Variants in EMSY observed in about 807,000 individuals in gnomAD.
The protein encoded by EMSY is EMSY transcriptional repressor, BRCA2 interacting, also known as BRCA2-interacting transcriptional repressor EMSY.
In EMSY, 26 loss-of-function variants were observed where a neutral mutation model predicts 134.6. The observed-to-expected ratio is 0.19, with a 90% confidence interval of 0.14 to 0.27. The LOEUF (loss-of-function observed/expected upper bound fraction) is 0.27. Among genes scored for constraint, EMSY ranks in the 10% least tolerant of loss-of-function variants. The pLI is 1.00. For missense variants in EMSY, 1,305 were observed against 1,611.4 expected (o/e 0.81, Z 3.26); for synonymous variants, 579 against 577.8 (o/e 1.00, Z -0.03).
At chr11:76,486,550 T>G (rs1949191201) in intron 8 of EMSY, among the ~76,000 whole-genome samples, 1 of 152,154 alleles carries the variant, frequency 6.6e-6, no homozygotes, top group Admixed American at 6.5e-5. Flanking sequence ...TGTGCATGTC[T>G]GGCACAACCT....
At chr11:76,530,844 T>C (rs990623381) in intron 14 of EMSY, among the ~76,000 whole-genome samples, 4 of 152,238 alleles carry the variant, frequency 2.6e-5, no homozygotes, top group African/African-American at 9.6e-5. Flanking sequence ...ATATTCCTAC[T>C]TATTAAGAAT....
At chr11:76,534,863 A>G (rs1484633852) in intron 14 of EMSY, among the ~76,000 whole-genome samples, 1 of 152,128 alleles carries the variant, frequency 6.6e-6, no homozygotes, top group Non-Finnish European at 1.5e-5. Context: ...GTCCTCCACA[A>G]TTTCCTCTAT....
At chr11:76,526,743 ATTG>A in intron 13 of EMSY, 108 bp downstream of exon 14, 1 of 1,120,126 alleles carries the variant, frequency 8.9e-7, no homozygotes, top group Non-Finnish European at 1.3e-6. Flanking sequence ...AAGAAATCAG[ATTG>A]TTAAAAGTTA....
At chr11:76,514,633 T>C (rs1387399470) in intron 10 of EMSY, among the ~76,000 whole-genome samples, 1 of 152,190 alleles carries the variant, frequency 6.6e-6, no homozygotes, top group African/African-American at 2.4e-5. Flanking sequence ...TTCAAATATA[T>C]AGTTCATTGG....
intron 12 of EMSY, among the ~76,000 whole-genome samples, chr11:76,525,455 T>A (rs980524755): frequency 2.0e-5 from 3 of 152,206 alleles, no homozygotes; most frequent in African/African-American, 7.2e-5. Context: ...TAGGCACACG[T>A]TTAGATGATG....
intron 8 of EMSY, among the ~76,000 whole-genome samples, chr11:76,479,776 T>G (rs573356737): frequency 5.9e-5 from 9 of 152,308 alleles, no homozygotes; most frequent in Admixed American, 1.3e-4. Flanking sequence ...AATTCTGTGC[T>G]GAAATCGTGA....
chr11:76,476,835 T>C (rs1249106475), intron 8 of EMSY, among the ~76,000 whole-genome samples: 2 of 152,140 alleles, frequency 1.3e-5, no homozygotes, highest in East Asian at 1.9e-4. Context: ...ATCTGGGCAT[T>C]GTGGGGGTGG....
At chr11:76,503,910 G>A (rs1024503475) in intron 9 of EMSY, among the ~76,000 whole-genome samples, 12 of 151,660 alleles carry the variant, frequency 7.9e-5, no homozygotes, top group African/African-American at 2.2e-4. Context: ...TCAGCCTCCC[G>A]AGTAGCTGGG....
chr11:76,546,017 A>T, exon 20 of EMSY: 1 of 1,614,204 alleles, frequency 6.2e-7, no homozygotes, highest in Non-Finnish European at 8.5e-7. Context: ...AATGTAGAAC[A>T]TATGATAGTG....
intron 8 of EMSY, among the ~76,000 whole-genome samples, chr11:76,480,832 C>T (rs574859036): frequency 6.6e-6 from 1 of 152,306 alleles, no homozygotes; most frequent in African/African-American, 2.4e-5. Context: ...ACTCCCTCCC[C>T]TAGCCAAGGG....
intron 7 of EMSY, among the ~76,000 whole-genome samples, chr11:76,468,276 A>G (rs1449678433): frequency 6.6e-6 from 1 of 152,158 alleles, no homozygotes; most frequent in African/African-American, 2.4e-5. Flanking sequence ...GAGCCATACC[A>G]TGAGAGTTCA....
In EMSY at chr11:76,502,540, C is replaced by CA. The variant is rs563222731; in HGVS notation, c.1363+6077dup. On this transcript the variant is annotated intron_variant, in intron 9 of 20. Transcript: ENST00000334736. ...GATCCTTTATATTATTAAAAAAAAA[C>CA]AAAAAACAAAAAAAACCACTAAGGA... 1.5e-3 allele frequency among the ~76,000 whole-genome samples: 206 copies of CA among 137,696 alleles called. 3 individuals are homozygous for CA. The highest frequency in any genetic ancestry group is 5.1e-3 in the African/African-American group (192 of 37,376). The allele number at this position is 137,696 out of a possible 152,430, so 90.3% of individuals were successfully genotyped here.
chr11:76,499,478 G>T (rs532848330), intron 9 of EMSY, among the ~76,000 whole-genome samples: 2 of 151,300 alleles, frequency 1.3e-5, no homozygotes, highest in South Asian at 4.2e-4. Flanking sequence ...TAGTAGAGAC[G>T]GGGTTTCACC....
chr11:76,447,069 G>C, intron 2 of EMSY, 61 bp downstream of exon 2: 1 of 1,510,518 alleles, frequency 6.6e-7, no homozygotes, highest in Non-Finnish European at 9.2e-7. Context: ...TTTCTGCCTA[G>C]GTCATAGCTG....
intron 1 of EMSY, 56 bp from the exon 2 acceptor site, chr11:76,446,844 C>T (rs1947433654): frequency 1.8e-6 from 2 of 1,126,800 alleles, no homozygotes; most frequent in Non-Finnish European, 1.3e-6. Context: ...GGTGAGTGGC[C>T]CCTTGAATGT....
At chr11:76,452,090 A>T in intron 3 of EMSY, 133 bp downstream of exon 3, 2 of 512,018 alleles carry the variant, frequency 3.9e-6, no homozygotes, top group Non-Finnish European at 6.8e-6. Context: ...GTGCTAAGAG[A>T]CTCCATCCCA....
intron 8 of EMSY, among the ~76,000 whole-genome samples, chr11:76,475,309 A>G (rs1021655547): frequency 6.6e-6 from 1 of 152,236 alleles, no homozygotes; most frequent in African/African-American, 2.4e-5. Flanking sequence ...TTTCTAAGGT[A>G]GATGGTACTA....
intron 9 of EMSY, among the ~76,000 whole-genome samples, chr11:76,507,899 C>A (rs1950141702): frequency 7.6e-6 from 1 of 131,836 alleles, no homozygotes; most frequent in Non-Finnish European, 1.6e-5. Context: ...GAGACATAGT[C>A]TGTCAGCCAG....
Position 76,458,177 on chromosome 11 carries a change from G to A in EMSY, c.246-6G>A. Reference sequence around the variant, plus strand: ...CCCTTGTAGCAGCGCTTTCTTTTTTGTTTAGTATGTCTGGACCTAATAGCT... The same window carrying A: ...CCCTTGTAGCAGCGCTTTCTTTTTTATTTAGTATGTCTGGACCTAATAGCT... On this transcript the variant is annotated splice_region_variant and splice_polypyrimidine_tract_variant and intron_variant, in intron 4 of 20. Coordinates refer to ENST00000334736, the Ensembl canonical transcript of EMSY. 1 of 1,594,136 alleles carries A rather than the reference G, an allele frequency of 6.3e-7. No homozygotes were observed. Among genetic ancestry groups the A allele is most frequent in the Non-Finnish European group, 8.5e-7 (1 of 1,172,558 alleles).
Sources: gnomAD v4.1 joint callset for allele counts (sites outside exome capture counted in the v4.1 genomes callset) on GRCh38, gnomAD v4.1.1 for gene constraint, MANE v1.5 for transcripts, NCBI Gene and HGNC (gene_info 2026-07-23, HGNC 2026-07-21) for gene names.